SORBS2: variants seen among roughly 807,000 people sequenced by gnomAD.
SORBS2 encodes the protein sorbin and SH3 domain containing 2, also known as sorbin and SH3 domain-containing protein 2.
SORBS2 carries 46 observed loss-of-function variants against 97.7 expected under a neutral mutation model. That is an observed-to-expected ratio of 0.47 (90% CI 0.37 to 0.60). SORBS2 has a LOEUF of 0.60. SORBS2 is among the 20% of genes least tolerant of loss of function. The pLI, the probability that SORBS2 is intolerant of heterozygous loss-of-function variation, is 0.00. For missense variants in SORBS2, 1,316 were observed against 1,282.3 expected, an observed-to-expected ratio of 1.03 and a Z score of -0.40; for synonymous variants, 476 against 473.4, an observed-to-expected ratio of 1.01 and a Z score of -0.07.
At chr4:185,821,670 C>T (rs548982530) in intron 1 of SORBS2, among the ~76,000 whole-genome samples, 137 of 152,228 alleles carry the variant, frequency 9.0e-4, no homozygotes, top group African/African-American at 3.0e-3. Context: ...GTGATCTGCC[C>T]GCCTCAGCCT....
chr4:185,635,025 T>C (rs1215330475), intron 4 of SORBS2, among the ~76,000 whole-genome samples: 1 of 152,208 alleles, frequency 6.6e-6, no homozygotes, highest in Non-Finnish European at 1.5e-5. Flanking sequence ...TATTTTACTC[T>C]GTCTCATAAA....
At chr4:185,896,133 T>C (rs918671984) in intron 1 of SORBS2, among the ~76,000 whole-genome samples, 1 of 152,172 alleles carries the variant, frequency 6.6e-6, no homozygotes, top group Non-Finnish European at 1.5e-5. Flanking sequence ...AATACTCCAG[T>C]GGATTCCACA....
chr4:185,913,480 A>G (rs919451990), intron 1 of SORBS2, among the ~76,000 whole-genome samples: 2 of 152,214 alleles, frequency 1.3e-5, no homozygotes, highest in Non-Finnish European at 2.9e-5. Context: ...AGTCTAAACC[A>G]ATACAATCAA....
intron 1 of SORBS2, among the ~76,000 whole-genome samples, chr4:185,797,606 A>G (rs957094676): frequency 3.3e-5 from 5 of 152,156 alleles, no homozygotes; most frequent in African/African-American, 1.2e-4. Context: ...AATCTCATTT[A>G]ATCCTAATGA....
At chr4:185,885,405 C>T (rs570582627) in intron 1 of SORBS2, among the ~76,000 whole-genome samples, 47 of 152,300 alleles carry the variant, frequency 3.1e-4, no homozygotes, top group African/African-American at 1.1e-3. Flanking sequence ...ATAATGAAGG[C>T]TTAACTCAGA....
chr4:185,587,667 A>G (rs2095816966), exon 15 of SORBS2: 2 of 1,613,218 alleles, frequency 1.2e-6, no homozygotes, highest in Admixed American at 1.7e-5. Flanking sequence ...AGTACCAAAG[A>G]ATTTGGTTCT....
chr4:185,770,058 T>A (rs908032351), intron 2 of SORBS2, among the ~76,000 whole-genome samples: 1 of 150,268 alleles, frequency 6.7e-6, no homozygotes, highest in Non-Finnish European at 1.5e-5. Context: ...CTCTGAGAAA[T>A]GAGAGGCATT....
chr4:185,713,090 T>C (rs1052542753), intron 2 of SORBS2, among the ~76,000 whole-genome samples: 16 of 152,010 alleles, frequency 1.1e-4, no homozygotes, highest in African/African-American at 3.9e-4. Flanking sequence ...ACCTCCCATC[T>C]CCCCTCCTTT....
At chr4:185,595,729 C>CT (rs975297808) in intron 12 of SORBS2, among the ~76,000 whole-genome samples, 27 of 143,860 alleles carry the variant, frequency 1.9e-4, no homozygotes, top group East Asian at 4.0e-4. Flanking sequence ...CCATTCCTCT[C>CT]TTTTTTTTTT....
intron 1 of SORBS2, among the ~76,000 whole-genome samples, chr4:185,877,509 A>C (rs962025902): frequency 6.6e-6 from 1 of 152,214 alleles, no homozygotes; most frequent in African/African-American, 2.4e-5. Flanking sequence ...TTTAAATCAT[A>C]AAATGAAAAA....
chr4:185,720,408 C>A (rs1430899314), intron 2 of SORBS2, among the ~76,000 whole-genome samples: 1 of 152,178 alleles, frequency 6.6e-6, no homozygotes, highest in Non-Finnish European at 1.5e-5. Flanking sequence ...TTCCTTCTAA[C>A]TGTCTTGGGT....
chr4:185,876,783 T>C (rs760715055), intron 1 of SORBS2, among the ~76,000 whole-genome samples: 1 of 152,190 alleles, frequency 6.6e-6, no homozygotes, highest in African/African-American at 2.4e-5. Context: ...ATGCACATAA[T>C]AATTCAGTTA....
At chr4:185,794,261 T>C (rs1207679709) in intron 1 of SORBS2, among the ~76,000 whole-genome samples, 1 of 151,472 alleles carries the variant, frequency 6.6e-6, no homozygotes, top group Non-Finnish European at 1.5e-5. Flanking sequence ...AGTGGAGAGA[T>C]GGAGAAGGAG....
At chr4:185,706,180 AT>A (rs2098338987) in intron 2 of SORBS2, among the ~76,000 whole-genome samples, 1 of 152,206 alleles carries the variant, frequency 6.6e-6, no homozygotes, top group Non-Finnish European at 1.5e-5. Flanking sequence ...TATATCATAC[AT>A]TTTAAACAAA....
At chr4:185,687,228 A>C (rs2097982519) in intron 2 of SORBS2, among the ~76,000 whole-genome samples, 1 of 151,902 alleles carries the variant, frequency 6.6e-6, no homozygotes, top group Non-Finnish European at 1.5e-5. Context: ...GGGTCTCACT[A>C]TGTTGCCCAG....
intron 2 of SORBS2, among the ~76,000 whole-genome samples, chr4:185,731,105 A>G (rs73873350): frequency 0.01 from 1,542 of 152,204 alleles, 27 homozygotes; most frequent in African/African-American, 0.034. Context: ...CTCAGTCCCA[A>G]TGGTTAATTT....
intron 1 of SORBS2, among the ~76,000 whole-genome samples, chr4:185,934,820 G>C (rs1371724171): frequency 6.6e-6 from 1 of 151,516 alleles, no homozygotes; most frequent in African/African-American, 2.4e-5. Context: ...CAAGGCAGTT[G>C]CTGACATTCA....
chr4:185,856,876 C>T (rs1459302275), intron 1 of SORBS2, among the ~76,000 whole-genome samples: 2 of 152,016 alleles, frequency 1.3e-5, no homozygotes, highest in Non-Finnish European at 2.9e-5. Flanking sequence ...CAGGAGAGAG[C>T]GTGTAAGAGA....
intron 4 of SORBS2, among the ~76,000 whole-genome samples, chr4:185,676,060 GCAC>G (rs1353747931): frequency 1.3e-5 from 2 of 152,026 alleles, no homozygotes; most frequent in Non-Finnish European, 2.9e-5. Context: ...ATTTACTTAG[GCAC>G]CACTGTTTTC....
Sources: allele counts gnomAD v4.1 joint callset (sites outside exome capture counted in the v4.1 genomes callset), GRCh38; gene constraint gnomAD v4.1.1; transcripts MANE v1.5; gene names NCBI Gene and HGNC (gene_info 2026-07-23, HGNC 2026-07-21).